The following DNAJC11 variants were observed in gnomAD, a reference collection of about 807,000 sequenced individuals.
DNAJC11 encodes the protein DnaJ heat shock protein family (Hsp40) member C11.
DNAJC11 carries 15 observed loss-of-function variants against 78.6 expected under a neutral mutation model. The ratio of observed to expected loss-of-function variants is 0.19; its 90% CI spans 0.13 to 0.29. The LOEUF (loss-of-function observed/expected upper bound fraction) is 0.29. Among genes scored for constraint, DNAJC11 ranks in the 10% least tolerant of loss-of-function variants. The pLI is 1.00. For missense variants in DNAJC11, 547 were observed against 709.6 expected (o/e 0.77, Z 2.60); for synonymous variants, 292 against 272.1 (o/e 1.07, Z -0.72).
intron 2 of DNAJC11, among the ~76,000 whole-genome samples, chr1:6,679,432 G>A (rs1220587052): frequency 1.3e-5 from 2 of 152,166 alleles, no homozygotes; most frequent in Non-Finnish European, 2.9e-5. Context: ...CCAACTGAAC[G>A]ATATCCCAAC....
chr1:6,672,210 T>C (rs1642392216), intron 3 of DNAJC11, among the ~76,000 whole-genome samples: 1 of 152,226 alleles, frequency 6.6e-6, no homozygotes, highest in African/African-American at 2.4e-5. Flanking sequence ...TAATGAAAGT[T>C]TGATTCGCCA....
chr1:6,670,702 C>T, intron 3 of DNAJC11: 1 of 152,140 alleles, frequency 6.6e-6, no homozygotes, highest in East Asian at 1.9e-4. Context: ...AGTGGCATGA[C>T]AGTGATTGCT....
chr1:6,654,842 C>A (rs1642104313), intron 4 of DNAJC11, among the ~76,000 whole-genome samples: 1 of 149,574 alleles, frequency 6.7e-6, no homozygotes, highest in Non-Finnish European at 1.5e-5. Context: ...AGCCATTAGT[C>A]CAGTGCAGTG....
rs117640079 is a variant in DNAJC11, at chr1:6,658,755, G to A, written c.379-4716C>T. On this transcript the variant is annotated intron_variant, in intron 4 of 15. Transcript: ENST00000377577. ...ATAGGCCTATTTTTAAATTAGTAGA[G>A]TTCTTGTGTCCGTAAACCTCAGCTG... 1.2e-4 allele frequency among the ~76,000 whole-genome samples: 19 copies of A among 152,244 alleles called. No individual in the cohort carries two copies. In the East Asian group the frequency reaches 3.7e-3, roughly 29 times the overall value.
chr1:6,688,058 T>C (rs1189872708), intron 1 of DNAJC11, among the ~76,000 whole-genome samples: 1 of 152,204 alleles, frequency 6.6e-6, no homozygotes, highest in East Asian at 1.9e-4. Context: ...TTAGTGGTGC[T>C]AGTGCAAAAG....
Position 6,637,139 on chromosome 1 carries a change from C to T in DNAJC11, c.1524+59G>A, listed in dbSNP as rs186550061. 3,460 of 1,601,336 alleles carry T rather than the reference C, an allele frequency of 2.2e-3. 6 individuals are homozygous for T. The highest frequency in any genetic ancestry group is 2.7e-3 in the Non-Finnish European group (3,228 of 1,174,278). ...TGCTAGGATTATAGGCCTGAGTCACCGCGCCCAGCCTGTTCAAATCTGTGA... is the reference window on the plus strand; with the variant it reads ...TGCTAGGATTATAGGCCTGAGTCACTGCGCCCAGCCTGTTCAAATCTGTGA... On this transcript the variant is annotated intron_variant, in intron 14 of 15. Coordinates refer to ENST00000377577, the MANE Select transcript of DNAJC11 (RefSeq NM_018198.4).
At chr1:6,651,226 C>T (rs757281244) in intron 7 of DNAJC11, 1 of 610,990 alleles carries the variant, frequency 1.6e-6, no homozygotes, top group East Asian at 3.8e-5. Context: ...TTTCGGTCCA[C>T]TGACCAACTC....
chr1:6,667,647 C>A, intron 4 of DNAJC11, 62 bp downstream of exon 4: 1 of 1,378,858 alleles, frequency 7.3e-7, no homozygotes, highest in Non-Finnish European at 1.0e-6. Flanking sequence ...TATTTCAGAC[C>A]TGGCTTCTAG....
intron 1 of DNAJC11, among the ~76,000 whole-genome samples, chr1:6,683,141 T>C (rs1227129678): frequency 6.6e-6 from 1 of 152,180 alleles, no homozygotes; most frequent in Non-Finnish European, 1.5e-5. Context: ...CAAATCTCTT[T>C]CTCCCATCTT....
chr1:6,695,327 CT>C (rs1642817743), intron 1 of DNAJC11, among the ~76,000 whole-genome samples: 1 of 151,708 alleles, frequency 6.6e-6, no homozygotes, highest in Admixed American at 6.6e-5. Context: ...GTAAGCAAAA[CT>C]TCAAACTTAT....
Position 6,678,516 on chromosome 1 carries a change from A to G in DNAJC11, c.203-49T>C, listed in dbSNP as rs745482380. 4.0e-6 allele frequency: 6 copies of G among 1,499,198 alleles called. No homozygotes were observed. The Admixed American group carries it at 8.7e-5, about 22-fold the overall frequency. The allele number at this position is 1,499,198 out of a possible 1,614,324, so 92.9% of individuals were successfully genotyped here. ...TTTATAAAATACAAAATTCACCTTC[A>G]GTCCTTCCTGAGAATACTGACATCA... On this transcript the variant is annotated intron_variant, in intron 2 of 15. Coordinates refer to ENST00000377577, the MANE Select transcript of DNAJC11 (RefSeq NM_018198.4).
At chr1:6,694,788 ACC>A (rs545889279) in intron 1 of DNAJC11, among the ~76,000 whole-genome samples, 153 of 145,516 alleles carry the variant, frequency 1.1e-3, no homozygotes, top group African/African-American at 3.7e-3. Context: ...ACACGGTGAA[ACC>A]CCGTCTCTAC....
At chr1:6,650,939 T>C (rs943959785) in intron 7 of DNAJC11, 1 of 412,960 alleles carries the variant, frequency 2.4e-6, no homozygotes, top group African/African-American at 2.1e-5. Context: ...CAGCTATATC[T>C]TCCTCTGGAA....
At chr1:6,662,626 A>G (rs984684803) in intron 4 of DNAJC11, among the ~76,000 whole-genome samples, 10 of 152,060 alleles carry the variant, frequency 6.6e-5, no homozygotes, top group African/African-American at 2.4e-4. Context: ...AAACGCACCA[A>G]TCAGTGCTCT....
At chr1:6,644,997 A>T in intron 9 of DNAJC11, 44 bp downstream of exon 9, 2 of 1,557,834 alleles carry the variant, frequency 1.3e-6, no homozygotes, top group Non-Finnish European at 1.8e-6. Flanking sequence ...GAAGACCCGC[A>T]TGCAGTACCA....
At chr1:6,670,353 G>GT (rs780828997) in intron 3 of DNAJC11, 2 of 151,408 alleles carry the variant, frequency 1.3e-5, no homozygotes, top group Non-Finnish European at 2.9e-5. Context: ...AATTTTTTTT[G>GT]TATCTCTTCC....
At chr1:6,665,249 G>A (rs1056631905) in intron 4 of DNAJC11, among the ~76,000 whole-genome samples, 3 of 152,096 alleles carry the variant, frequency 2.0e-5, no homozygotes, top group South Asian at 2.1e-4. Flanking sequence ...TAAATATTTT[G>A]TAGAGATGGG....
rs1350325736 is a variant in DNAJC11, at chr1:6,637,100, T to G, written c.1524+98A>C. On this transcript the variant is annotated intron_variant, in intron 14 of 15. Coordinates refer to ENST00000377577, the MANE Select transcript of DNAJC11 (RefSeq NM_018198.4). ...CCTGGGCTCAAGCAATCCGCCCACC[T>G]TGGCCTTCCAAAGTGCTAGGATTAT... 7 of 1,508,526 alleles carry G rather than the reference T, an allele frequency of 4.6e-6. No individual in the cohort carries two copies. The East Asian group carries it at 1.6e-4, about 34-fold the overall frequency. 93.4% of individuals were successfully genotyped at this position (1,508,526 alleles called of 1,614,324 possible). A position where few individuals can be genotyped will look rare whatever the true frequency, so the allele number is the denominator to read the frequency against.
chr1:6,654,646 T>C (rs968349123), intron 4 of DNAJC11, among the ~76,000 whole-genome samples: 2 of 152,244 alleles, frequency 1.3e-5, no homozygotes, highest in African/African-American at 4.8e-5. Flanking sequence ...AGAAAATCAA[T>C]GTTTATTATT....
Sources: gnomAD v4.1 joint callset for allele counts (sites outside exome capture counted in the v4.1 genomes callset) on GRCh38, gnomAD v4.1.1 for gene constraint, MANE v1.5 for transcripts, NCBI Gene and HGNC (gene_info 2026-07-23, HGNC 2026-07-21) for gene names.